Variants in SEMA3E observed in about 807,000 individuals in gnomAD.
The protein encoded by SEMA3E is semaphorin-3E.
In SEMA3E, 49 loss-of-function variants were observed where a neutral mutation model predicts 93.6. The observed-to-expected ratio is 0.52, with a 90% CI of 0.42 to 0.66. The LOEUF is 0.66. Among genes scored for constraint, SEMA3E ranks in the 30% least tolerant of loss-of-function variants. The pLI, the probability that SEMA3E is intolerant of heterozygous loss-of-function variation, is 0.00. For missense variants in SEMA3E, 906 were observed against 964.8 expected, an observed-to-expected ratio of 0.94 and a Z score of 0.81; for synonymous variants, 363 against 330.7, an observed-to-expected ratio of 1.10 and a Z score of -1.06.
intron 1 of SEMA3E, among the ~76,000 whole-genome samples, chr7:83,494,732 T>C (rs1274458241): frequency 6.6e-6 from 1 of 151,970 alleles, no homozygotes; most frequent in Non-Finnish European, 1.5e-5. Context: ...ATTATTTAGT[T>C]TGTTCATGGC....
At chr7:83,556,045 G>A (rs114141816) in intron 1 of SEMA3E, among the ~76,000 whole-genome samples, 1 of 151,928 alleles carries the variant, frequency 6.6e-6, no homozygotes, top group African/African-American at 2.4e-5. Flanking sequence ...CATTTTCTCT[G>A]TTCTCTTTCC....
chr7:83,478,344 T>C (rs552551965), intron 2 of SEMA3E, among the ~76,000 whole-genome samples: 2 of 152,348 alleles, frequency 1.3e-5, no homozygotes, highest in Middle Eastern at 3.4e-3. Flanking sequence ...ATATGAAATA[T>C]TCTATGAGTT....
chr7:83,641,991 G>T (rs1275816507), intron 1 of SEMA3E, among the ~76,000 whole-genome samples: 3 of 152,188 alleles, frequency 2.0e-5, no homozygotes, highest in African/African-American at 7.2e-5. Flanking sequence ...ATGCCATGCA[G>T]TCTGAAGCCA....
intron 16 of SEMA3E, chr7:83,371,869 T>A (rs1044219291): frequency 6.3e-6 from 1 of 157,616 alleles, no homozygotes; most frequent in African/African-American, 2.4e-5. Flanking sequence ...TTATAAATAC[T>A]TCCTTTATAG....
intron 2 of SEMA3E, among the ~76,000 whole-genome samples, chr7:83,477,220 C>A (rs1306095265): frequency 6.6e-6 from 1 of 151,948 alleles, no homozygotes; most frequent in East Asian, 1.9e-4. Context: ...ATAAGTCTAT[C>A]TTCATAGAAT....
intron 1 of SEMA3E, among the ~76,000 whole-genome samples, chr7:83,550,432 A>G (rs188418213): frequency 3.9e-5 from 6 of 152,196 alleles, no homozygotes; most frequent in Admixed American, 3.9e-4. Context: ...AACATTTTAT[A>G]TGAGTCTGCT....
intron 2 of SEMA3E, among the ~76,000 whole-genome samples, chr7:83,484,209 C>T (rs1377684678): frequency 1.3e-5 from 2 of 152,152 alleles, no homozygotes; most frequent in Non-Finnish European, 2.9e-5. Flanking sequence ...AAAATATTTT[C>T]ACTGACCACT....
intron 1 of SEMA3E, among the ~76,000 whole-genome samples, chr7:83,521,227 T>G (rs1466098340): frequency 6.6e-6 from 1 of 152,000 alleles, no homozygotes; most frequent in African/African-American, 2.4e-5. Flanking sequence ...GACCAGACTC[T>G]CCCAGGATGC....
At chr7:83,524,581 C>T (rs551833426) in intron 1 of SEMA3E, among the ~76,000 whole-genome samples, 11 of 152,124 alleles carry the variant, frequency 7.2e-5, no homozygotes, top group East Asian at 3.9e-4. Flanking sequence ...TGTGAGCTCT[C>T]GTGCTATTAA....
chr7:83,464,749 C>T (rs1385747179), intron 4 of SEMA3E, among the ~76,000 whole-genome samples: 4 of 123,378 alleles, frequency 3.2e-5, no homozygotes, highest in Non-Finnish European at 7.0e-5. Context: ...CACAATATCA[C>T]CCCTTACCAC....
At chr7:83,395,716 G>A (rs1040797754) in intron 12 of SEMA3E, among the ~76,000 whole-genome samples, 14 of 152,112 alleles carry the variant, frequency 9.2e-5, no homozygotes, top group Admixed American at 2.0e-4. Flanking sequence ...TAGCGCTGAA[G>A]TGCTGTTTAA....
At chr7:83,463,703 A>T (rs1259530867) in intron 4 of SEMA3E, among the ~76,000 whole-genome samples, 1 of 152,142 alleles carries the variant, frequency 6.6e-6, no homozygotes, top group Non-Finnish European at 1.5e-5. Context: ...GTTATACTAT[A>T]GTACAAGCCA....
rs1794623503 is a variant in SEMA3E, at chr7:83,363,876, T to A, written c.*3710A>T. ...GGTCAATTCATTTTTTTTTTTTTTT[T>A]TTTTTTTTTTTTTTTTTTTTTTTTT... On this transcript the variant is annotated 3_prime_UTR_variant, in exon 17 of 17. Coordinates refer to ENST00000643230, the MANE Select transcript of SEMA3E (RefSeq NM_012431.3). 1 of 36,174 alleles carries A rather than the reference T, an allele frequency of 2.8e-5. No homozygotes were observed. Among genetic ancestry groups the A allele is most frequent in the Admixed American group, 3.8e-4 (1 of 2,646 alleles). The allele number at this position is 36,174 out of a possible 1,614,324, so 2.2% of individuals were successfully genotyped here. A position where few individuals can be genotyped will look rare whatever the true frequency, so the allele number is the denominator to read the frequency against.
intron 4 of SEMA3E, among the ~76,000 whole-genome samples, chr7:83,451,762 G>A (rs1424141910): frequency 1.3e-5 from 2 of 152,204 alleles, no homozygotes; most frequent in East Asian, 3.8e-4. Context: ...AATTTACTAT[G>A]TGAAACCAAC....
Position 83,380,525 on chromosome 7 carries a change from A to G in SEMA3E, c.1875+4769T>C, listed in dbSNP as rs537570614. 5.9e-5 allele frequency among the ~76,000 whole-genome samples: 9 copies of G among 152,030 alleles called. No individual in the cohort carries two copies. The South Asian group carries it at 1.9e-3, about 32-fold the overall frequency. ...TGTTTTTCATCTTGTAACATAAGCT[A>G]ACATTATTCTCTCTACTAATTACCC... On this transcript the variant is annotated intron_variant, in intron 16 of 16. Coordinates refer to ENST00000643230, the MANE Select transcript of SEMA3E (RefSeq NM_012431.3).
chr7:83,485,912 G>A (rs1182809079), intron 2 of SEMA3E, among the ~76,000 whole-genome samples: 1 of 152,092 alleles, frequency 6.6e-6, no homozygotes, highest in Non-Finnish European at 1.5e-5. Flanking sequence ...GAAATGTTAT[G>A]TTTTAAAAGA....
At chr7:83,648,177 T>C (rs1476651783) in intron 1 of SEMA3E, among the ~76,000 whole-genome samples, 2 of 152,012 alleles carry the variant, frequency 1.3e-5, no homozygotes, top group Non-Finnish European at 2.9e-5. Flanking sequence ...ATTGATAAAA[T>C]CCAATGTTTA....
chr7:83,553,963 T>C (rs936648739), intron 1 of SEMA3E, among the ~76,000 whole-genome samples: 1 of 152,294 alleles, frequency 6.6e-6, no homozygotes, highest in South Asian at 2.1e-4. Context: ...TTTGCTCTAA[T>C]TGCTTTCCCT....
chr7:83,485,404 T>A (rs368371496), intron 2 of SEMA3E, among the ~76,000 whole-genome samples: 18 of 152,330 alleles, frequency 1.2e-4, no homozygotes, highest in East Asian at 5.8e-4. Flanking sequence ...TTTAGGAACT[T>A]GCCCAATATT....
Sources: gnomAD v4.1 joint callset for allele counts (sites outside exome capture counted in the v4.1 genomes callset) on GRCh38, gnomAD v4.1.1 for gene constraint, MANE v1.5 for transcripts, NCBI Gene and HGNC (gene_info 2026-07-23, HGNC 2026-07-21) for gene names.